Variants in PTPRD observed in about 807,000 individuals in gnomAD.
PTPRD encodes the protein receptor-type tyrosine-protein phosphatase delta.
A neutral mutation model predicts 214.5 loss-of-function variants in PTPRD; 34 were observed. The observed-to-expected ratio is 0.16, with a 90% CI of 0.12 to 0.21. The LOEUF is 0.21. Among genes scored for constraint, PTPRD ranks in the 10% least tolerant of loss-of-function variants. The pLI is 1.00. For missense variants in PTPRD, 2,545 were observed against 2,398.7 expected (o/e 1.06, Z -1.27); for synonymous variants, 1,128 against 845.7 (o/e 1.33, Z -5.79).
At chr9:10,603,525 A>G (rs1274831905) in intron 2 of PTPRD, among the ~76,000 whole-genome samples, 1 of 151,924 alleles carries the variant, frequency 6.6e-6, no homozygotes, top group East Asian at 1.9e-4. Flanking sequence ...ACTAATATGC[A>G]CATCTGGGAA....
In PTPRD at chr9:8,711,088, A is replaced by G. The variant is rs796712079; in HGVS notation, c.64+22692T>C. 1.0e-3 allele frequency among the ~76,000 whole-genome samples: 154 copies of G among 152,202 alleles called. 6 individuals carry two copies. The highest frequency in any genetic ancestry group is 3.5e-3 in the African/African-American group (145 of 41,556). Reference sequence around the variant, plus strand: ...CCAATTTATAGTAACATTTAATGTTATTTCATGCCATAACTCAACATAATT... The same window carrying G: ...CCAATTTATAGTAACATTTAATGTTGTTTCATGCCATAACTCAACATAATT... On this transcript the variant is annotated intron_variant, in intron 12 of 45. Coordinates refer to ENST00000381196, the MANE Select transcript of PTPRD (RefSeq NM_002839.4).
At chr9:9,368,590 C>G (rs1460348575) in intron 9 of PTPRD, among the ~76,000 whole-genome samples, 1 of 151,732 alleles carries the variant, frequency 6.6e-6, no homozygotes, top group African/African-American at 2.4e-5. Flanking sequence ...GAAAAAGTCC[C>G]AAAGATTATT....
At chr9:8,318,192 G>C (rs1423499703) in intron 45 of PTPRD, among the ~76,000 whole-genome samples, 1 of 151,892 alleles carries the variant, frequency 6.6e-6, no homozygotes, top group Admixed American at 6.6e-5. Context: ...GGCAGGTCGA[G>C]TGAACATTAC....
Position 9,542,394 on chromosome 9 carries a change from T to C in PTPRD, c.-237+32338A>G, listed in dbSNP as rs1033978534. 7.3e-5 allele frequency among the ~76,000 whole-genome samples: 11 copies of C among 151,696 alleles called. No individual in the cohort carries two copies. The East Asian group carries it at 2.1e-3, about 29-fold the overall frequency. On this transcript the variant is annotated intron_variant, in intron 8 of 45. Transcript: ENST00000381196. The stretch of plus-strand genomic sequence containing the variant: ...CTTCAAGCTTTGAAGGAGTCCAATA[T>C]TTCTTATACAGGACACAAAAGCTCT...
intron 3 of PTPRD, among the ~76,000 whole-genome samples, chr9:10,217,017 T>C (rs2498601): frequency 0.089 from 13,492 of 151,988 alleles, 726 homozygotes; most frequent in South Asian, 0.14. Context: ...GCAACTATAA[T>C]CCTGCAATTA....
chr9:8,908,936 T>C (rs1157307222), intron 11 of PTPRD, among the ~76,000 whole-genome samples: 1 of 150,258 alleles, frequency 6.7e-6, no homozygotes, highest in Non-Finnish European at 1.5e-5. Context: ...TAATTTGACA[T>C]GAATATGAAA....
At chr9:10,162,057 A>T (rs531907585) in intron 3 of PTPRD, among the ~76,000 whole-genome samples, 2 of 151,694 alleles carry the variant, frequency 1.3e-5, no homozygotes, top group Non-Finnish European at 3.0e-5. Context: ...GCTAGTGAGG[A>T]TGTGGAGAAA....
chr9:8,661,724 A>T (rs192727339), intron 12 of PTPRD, among the ~76,000 whole-genome samples: 10 of 151,508 alleles, frequency 6.6e-5, no homozygotes, highest in African/African-American at 2.4e-4. Flanking sequence ...ATACTTTCAC[A>T]GTTATTTCTG....
intron 10 of PTPRD, among the ~76,000 whole-genome samples, chr9:9,051,886 A>G (rs2099686440): frequency 6.6e-6 from 1 of 152,192 alleles, no homozygotes; most frequent in African/African-American, 2.4e-5. Flanking sequence ...TCATTGCTCT[A>G]TTGCTACAAA....
intron 5 of PTPRD, among the ~76,000 whole-genome samples, chr9:9,890,682 G>A (rs2072993949): frequency 6.6e-6 from 1 of 152,002 alleles, no homozygotes; most frequent in African/African-American, 2.4e-5. Context: ...GACCCACAGA[G>A]ACTCTGTGCA....
chr9:9,638,283 G>A (rs980829249), intron 7 of PTPRD, among the ~76,000 whole-genome samples: 1 of 152,050 alleles, frequency 6.6e-6, no homozygotes, highest in African/African-American at 2.4e-5. Flanking sequence ...GTCCAAAGAA[G>A]CCACACAGCA....
At chr9:9,203,217 C>T (rs1466435070) in intron 9 of PTPRD, among the ~76,000 whole-genome samples, 4 of 151,676 alleles carry the variant, frequency 2.6e-5, no homozygotes, top group Non-Finnish European at 4.4e-5. Flanking sequence ...GTGACAAGAG[C>T]GAGACTCCAT....
chr9:10,038,039 T>C (rs991491409), intron 3 of PTPRD, among the ~76,000 whole-genome samples: 6 of 152,170 alleles, frequency 3.9e-5, no homozygotes, highest in Non-Finnish European at 8.8e-5. Flanking sequence ...GACCCTCATA[T>C]TTATAATTCC....
At chr9:8,709,735 T>C (rs1005343636) in intron 12 of PTPRD, among the ~76,000 whole-genome samples, 6 of 151,870 alleles carry the variant, frequency 4.0e-5, no homozygotes, top group African/African-American at 1.5e-4. Context: ...AAAAAAGAAA[T>C]CATTTAGATC....
chr9:9,942,677 A>G (rs748859244), intron 4 of PTPRD, among the ~76,000 whole-genome samples: 2 of 152,154 alleles, frequency 1.3e-5, no homozygotes, highest in African/African-American at 4.8e-5. Flanking sequence ...GAAAAGTTTT[A>G]TATCAATGCT....
At chr9:9,510,860 T>C (rs1374266797) in intron 8 of PTPRD, among the ~76,000 whole-genome samples, 1 of 151,694 alleles carries the variant, frequency 6.6e-6, no homozygotes, top group Non-Finnish European at 1.5e-5. Flanking sequence ...TTTTACATAA[T>C]TGACAAAAAT....
chr9:9,070,685 T>A (rs974080597), intron 10 of PTPRD, among the ~76,000 whole-genome samples: 1 of 152,206 alleles, frequency 6.6e-6, no homozygotes, highest in Non-Finnish European at 1.5e-5. Flanking sequence ...TGTTCTTATG[T>A]ACTGAAGCCT....
chr9:9,619,123 T>C (rs2095079389), intron 7 of PTPRD, among the ~76,000 whole-genome samples: 1 of 152,152 alleles, frequency 6.6e-6, no homozygotes, highest in East Asian at 1.9e-4. Context: ...CATATTATAC[T>C]AAGGCAAACG....
intron 2 of PTPRD, among the ~76,000 whole-genome samples, chr9:10,508,444 G>T (rs532310059): frequency 2.0e-5 from 3 of 152,238 alleles, no homozygotes; most frequent in African/African-American, 7.2e-5. Flanking sequence ...TCCCATTACT[G>T]GGTATATACC....
Sources: allele counts gnomAD v4.1 joint callset (sites outside exome capture counted in the v4.1 genomes callset), GRCh38; gene constraint gnomAD v4.1.1; transcripts MANE v1.5; gene names NCBI Gene and HGNC (gene_info 2026-07-23, HGNC 2026-07-21).